The following MYO1F variants were observed in gnomAD, a reference collection of about 807,000 sequenced individuals.
MYO1F encodes myosin IF, also known as unconventional myosin-If.
In MYO1F, 60 loss-of-function variants were observed where a neutral mutation model predicts 146.6. The observed-to-expected ratio is 0.41, with a 90% CI of 0.33 to 0.51. The LOEUF (loss-of-function observed/expected upper bound fraction) is 0.51. MYO1F is among the 20% of genes least tolerant of loss of function. MYO1F has a pLI of 0.25. For synonymous variants in MYO1F, 602 were observed against 602.1 expected, an observed-to-expected ratio of 1.00 and a Z score of 0.00; for missense variants, 1,274 against 1,534.3, an observed-to-expected ratio of 0.83 and a Z score of 2.83.
rs561389886 is a variant in MYO1F at position 8,559,677 on chromosome 19, C to T, written c.4-3881G>A. On this transcript the variant is annotated intron_variant, in intron 1 of 27. Transcript: ENST00000644032. The stretch of plus-strand genomic sequence containing the variant: ...TTGAAAGAATTAACACGACCGGGCG[C>T]GGTGGCTCACACCTGCAATCCCAGC... 2.2e-3 allele frequency among the ~76,000 whole-genome samples: 339 copies of T among 152,100 alleles called. 1 individual carries two copies. Among genetic ancestry groups the T allele is most frequent in the African/African-American group, 7.7e-3 (318 of 41,516 alleles).
intron 1 of MYO1F, among the ~76,000 whole-genome samples, chr19:8,564,422 C>T (rs1252062081): frequency 6.6e-6 from 1 of 151,988 alleles, no homozygotes; most frequent in Non-Finnish European, 1.5e-5. Flanking sequence ...CTGGGATGCA[C>T]TGAGAGTCCC....
At position 8,536,369 on chromosome 19, in the gene MYO1F, C is replaced by A; in HGVS notation, c.1926G>T (p.Trp642Cys). 1 of 1,606,218 alleles carries A rather than the reference C, an allele frequency of 6.2e-7. No homozygotes were observed. Among genetic ancestry groups the A allele is most frequent in the Non-Finnish European group, 8.5e-7 (1 of 1,179,918 alleles). ...GGCGTTCGTCCCCACGCCACCGCGG[C>A]CACGTCTCGGGGGTCAGAATGGCAT... ...QRYAILTPET[W>C]PRWRGDERQG... The change falls in exon 19 of 28, where the codon TGG (tryptophan) becomes TGT (cysteine). Residue 642 changes from tryptophan to cysteine, a missense_variant. This residue lies in a region of MYO1F where 900 missense variants were observed against 1,155.1 expected (regional missense o/e 0.78). Transcript: ENST00000644032.
Position 8,530,778 on chromosome 19 carries a change from G to A in MYO1F, c.2044-205C>T, listed in dbSNP as rs1198082320. ...AAAGGGGCCGGGCGCAGTGGCTCAC[G>A]CCTGTAATCCTAGCACTTCGGGAGG... On this transcript the variant is annotated intron_variant, in intron 19 of 27. Coordinates refer to ENST00000644032, the MANE Select transcript of MYO1F (RefSeq NM_012335.4). The surrounding 1 kb of genome is among the most constrained non-coding windows in gnomAD (Gnocchi z 5.8). 6.6e-6 allele frequency among the ~76,000 whole-genome samples: 1 copy of A among 152,206 alleles called. No individual in the cohort carries two copies. The highest frequency in any genetic ancestry group is 2.4e-5 in the African/African-American group (1 of 41,466).
Position 8,548,336 on chromosome 19 carries a change from CA to C in MYO1F, c.1102-20del. On this transcript the variant is annotated intron_variant, in intron 10 of 27. Transcript: ENST00000644032. The stretch of plus-strand genomic sequence containing the variant: ...TGATGGCCTGCGGTGTGGGTGGGGA[CA>C]GGAAGTCAGTGGGCATCGGTCAGAT... The C allele has an allele frequency of 6.2e-7, 1 of 1,612,778 alleles. No homozygotes were observed. The highest frequency in any genetic ancestry group is 8.5e-7 in the Non-Finnish European group (1 of 1,179,290).
At chr19:8,538,684 C>T (rs1455890478) in intron 16 of MYO1F, among the ~76,000 whole-genome samples, 1 of 149,108 alleles carries the variant, frequency 6.7e-6, no homozygotes, top group African/African-American at 2.5e-5. Flanking sequence ...ACCTCCTGGG[C>T]TCAAATGATC....
chr19:8,521,913 T>C (rs2967775), intron 27 of MYO1F, among the ~76,000 whole-genome samples: 114,272 of 152,056 alleles, frequency 0.75, 44,080 homozygotes, highest in East Asian at 0.99. Context: ...CCTCAGCCAC[T>C]GAAAGTGCTG....
At chr19:8,523,263 G>A (rs1206303668) in intron 25 of MYO1F, among the ~76,000 whole-genome samples, 6 of 152,088 alleles carry the variant, frequency 3.9e-5, no homozygotes, top group Non-Finnish European at 5.9e-5. Flanking sequence ...TCGATCTCCT[G>A]ACCTTGTGAT....
At chr19:8,568,511 G>C (rs943301985) in intron 1 of MYO1F, among the ~76,000 whole-genome samples, 7 of 151,886 alleles carry the variant, frequency 4.6e-5, no homozygotes, top group Non-Finnish European at 2.9e-5. Context: ...GTGTGGGGAG[G>C]ATAGTCGAGA....
chr19:8,527,414 CCTT>C lies in MYO1F; in HGVS notation c.2395_2397del (p.Lys799del), dbSNP rs1972315704. The C allele has an allele frequency of 2.5e-6, 4 of 1,613,940 alleles. No individual in the cohort carries two copies. Among genetic ancestry groups the C allele is most frequent in the South Asian group, 1.1e-5 (1 of 91,076 alleles). ...TCACACACCTGGCCCTTCTCAGGTCCCTTCTTCACTTTCTCTCGCCCAATCACA... is the reference window on the plus strand; with the variant it reads ...TCACACACCTGGCCCTTCTCAGGTCCCTTCACTTTCTCTCGCCCAATCACA... On this transcript the variant is annotated inframe_deletion, in exon 22 of 28. Coordinates refer to ENST00000644032, the MANE Select transcript of MYO1F (RefSeq NM_012335.4).
At chr19:8,546,454 G>A (rs536199759) in intron 12 of MYO1F, among the ~76,000 whole-genome samples, 1 of 151,830 alleles carries the variant, frequency 6.6e-6, no homozygotes, top group East Asian at 1.9e-4. Context: ...TGACCTCCAG[G>A]GTTCAAGTGA....
chr19:8,577,109 AC>A lies in MYO1F; in HGVS notation c.3+197del, dbSNP rs1157972992. On this transcript the variant is annotated intron_variant, in intron 1 of 27. Transcript: ENST00000644032. This position sits in a 1 kb window ranked among gnomAD's most constrained non-coding sequence, Gnocchi z 4.3. Reference sequence around the variant, plus strand: ...CCAGGGATACCACCCTGGCATCCCCACCACCTACAGATGGGAGCTTGCTCCC... The same window carrying A: ...CCAGGGATACCACCCTGGCATCCCCACACCTACAGATGGGAGCTTGCTCCC... 10 of 675,064 alleles carry A rather than the reference AC, an allele frequency of 1.5e-5. No homozygotes were observed. Among genetic ancestry groups the A allele is most frequent in the African/African-American group, 3.6e-5 (2 of 56,296 alleles). The allele number at this position is 675,064 out of a possible 1,614,324, so 41.8% of individuals were successfully genotyped here.
Position 8,553,577 on chromosome 19 carries a change from A to C in MYO1F, c.327-140T>G, listed in dbSNP as rs1024171513. 21 of 723,030 alleles carry C rather than the reference A, an allele frequency of 2.9e-5. No homozygotes were observed. The African/African-American group carries it at 3.1e-4, about 11-fold the overall frequency. The allele number at this position is 723,030 out of a possible 1,614,324, so 44.8% of individuals were successfully genotyped here. On this transcript the variant is annotated intron_variant, in intron 4 of 27. Coordinates refer to ENST00000644032, the MANE Select transcript of MYO1F (RefSeq NM_012335.4). ...GATACTGTAATGAACAAGACAGATA[A>C]AATCTCTGCTCTCAGCCGGGCATGG...
In MYO1F at chr19:8,551,189, C is replaced by T. The variant is rs564888970; in HGVS notation, c.772-495G>A. Reference sequence around the variant, plus strand: ...GCCTCAGCCTCCCTAGTAGCTGGGACTACAGGCGCATGGCATCATACCCGG... The same window carrying T: ...GCCTCAGCCTCCCTAGTAGCTGGGATTACAGGCGCATGGCATCATACCCGG... On this transcript the variant is annotated intron_variant, in intron 8 of 27. Transcript: ENST00000644032. Among the ~76,000 whole-genome samples, 9 of 150,590 alleles carry T rather than the reference C, an allele frequency of 6.0e-5. No individual in the cohort carries two copies. The East Asian group carries it at 1.6e-3, about 26-fold the overall frequency.
chr19:8,540,534 AC>A (rs541701214), intron 15 of MYO1F: 12 of 152,002 alleles, frequency 7.9e-5, no homozygotes, highest in African/African-American at 2.7e-4. Flanking sequence ...ACATGGTGAA[AC>A]CCTGTCTCTA....
chr19:8,544,113 C>T (rs570658171), intron 14 of MYO1F, 184 bp downstream of exon 14: 14 of 635,612 alleles, frequency 2.2e-5, no homozygotes, highest in South Asian at 1.6e-4. Flanking sequence ...GGGGGTCAGC[C>T]GGAAGGGTCT....
chr19:8,539,330 C>G (rs1972859926), intron 16 of MYO1F, among the ~76,000 whole-genome samples: 1 of 152,076 alleles, frequency 6.6e-6, no homozygotes, highest in African/African-American at 2.4e-5. Context: ...AGGAGAATCA[C>G]TTGAACCCAA....
At chr19:8,553,767 G>A (rs1319099751) in intron 4 of MYO1F, among the ~76,000 whole-genome samples, 2 of 151,780 alleles carry the variant, frequency 1.3e-5, no homozygotes, top group African/African-American at 4.8e-5. Flanking sequence ...GGCCACTCAG[G>A]AGGCTGAGGC....
chr19:8,553,189 C>G lies in MYO1F; in HGVS notation c.454G>C (p.Glu152Gln), dbSNP rs769799363. 6.2e-7 allele frequency: 1 copy of G among 1,614,108 alleles called. No individual in the cohort carries two copies. The highest frequency in any genetic ancestry group is 1.1e-5 in the South Asian group (1 of 91,072). ...ACAGTCTTGGCGTTGCCGAAGGCCT[C>G]GAGCAGCGGGTTGGACTGCAGGATG... is the stretch of plus-strand genomic sequence containing the variant. Reference protein sequence around the residue: ...DIILQSNPLLEAFGNAKTVRN... With the variant: ...DIILQSNPLLQAFGNAKTVRN... The change falls in exon 6 of 28, where the codon GAG (glutamate) becomes CAG (glutamine). Residue 152 changes from glutamate to glutamine, a missense_variant. Physicochemically the swap from Glu to Gln is conservative, Grantham distance 29 (BLOSUM62 2). This residue lies in a region of MYO1F where 900 missense variants were observed against 1,155.1 expected (regional missense o/e 0.78). Coordinates refer to ENST00000644032, the MANE Select transcript of MYO1F (RefSeq NM_012335.4).
chr19:8,546,752 C>T (rs951956473), intron 12 of MYO1F, among the ~76,000 whole-genome samples: 2 of 152,084 alleles, frequency 1.3e-5, no homozygotes, highest in African/African-American at 4.8e-5. Flanking sequence ...AATCTCGACT[C>T]ACTACAAGCT....
Sources: allele counts gnomAD v4.1 joint callset (sites outside exome capture counted in the v4.1 genomes callset), GRCh38; gene constraint gnomAD v4.1.1; regional missense constraint gnomAD v4.1.1; non-coding constraint Gnocchi (gnomAD v3.1); transcripts MANE v1.5; gene names NCBI Gene and HGNC (gene_info 2026-07-23, HGNC 2026-07-21).